Variants in SLC48A1 observed in about 807,000 individuals in gnomAD.
SLC48A1 encodes heme transporter HRG1.
SLC48A1 carries 6 observed loss-of-function variants against 14.8 expected under a neutral mutation model. That is an observed-to-expected ratio of 0.41 (90% CI 0.22 to 0.80). The LOEUF is 0.80. Among genes scored for constraint, SLC48A1 ranks in the 30% least tolerant of loss-of-function variants. The probability of loss-of-function intolerance (pLI) is 0.34; values close to 1 mark genes in which losing one functional copy is unlikely to be tolerated. For missense variants in SLC48A1, 165 were observed against 204.8 expected (o/e 0.81, Z 1.19); for synonymous variants, 89 against 90.0 (o/e 0.99, Z 0.06).
At chr12:47,763,277 G>A (rs752930432) in intron 2 of SLC48A1, among the ~76,000 whole-genome samples, 23 of 152,184 alleles carry the variant, frequency 1.5e-4, no homozygotes, top group Non-Finnish European at 2.1e-4. Context: ...AGGCTCAGCC[G>A]TGACATTTGA....
chr12:47,760,102 T>G, intron 1 of SLC48A1: 1 of 503,668 alleles, frequency 2.0e-6, no homozygotes, highest in Non-Finnish European at 2.6e-6. Flanking sequence ...AATGTATACA[T>G]GTATAAAAAA....
At chr12:47,780,040 C>T (rs911990992) in intron 2 of SLC48A1, 105 bp from the exon 3 acceptor site, 7 of 1,358,030 alleles carry the variant, frequency 5.2e-6, no homozygotes, top group South Asian at 1.5e-5. Context: ...GCTGCCAGGA[C>T]GTTGCAGGGA....
At chr12:47,763,454 C>A (rs1344793870) in intron 2 of SLC48A1, among the ~76,000 whole-genome samples, 4 of 152,144 alleles carry the variant, frequency 2.6e-5, no homozygotes, top group African/African-American at 9.7e-5. Flanking sequence ...TCCCACAATA[C>A]CCCTAGGAGT....
chr12:47,759,922 C>A (rs1592592165), intron 1 of SLC48A1, among the ~76,000 whole-genome samples: 2 of 152,262 alleles, frequency 1.3e-5, no homozygotes, highest in South Asian at 2.1e-4. Flanking sequence ...ATGCCAAGCC[C>A]GCATCCTCCA....
In SLC48A1 at chr12:47,773,459, C is replaced by A. The variant is rs1171562174; in HGVS notation, c.136+19C>A. The A allele has an allele frequency of 1.5e-6, 2 of 1,318,160 alleles. No individual in the cohort carries two copies. Among genetic ancestry groups the A allele is most frequent in the South Asian group, 2.0e-5 (1 of 49,422 alleles). 81.7% of individuals were successfully genotyped at this position (1,318,160 alleles called of 1,614,324 possible). A position where few individuals can be genotyped will look rare whatever the true frequency, so the allele number is the denominator to read the frequency against. ...CTCGCAGGTACCCCGGGACGCTGGG[C>A]GGCGCGGGGCGGGTGCGCGGCTGCG... On this transcript the variant is annotated intron_variant, in intron 1 of 2. Transcript: ENST00000442218.
chr12:47,761,748 G>C (rs1942385302), intron 2 of SLC48A1, among the ~76,000 whole-genome samples: 1 of 152,174 alleles, frequency 6.6e-6, no homozygotes, highest in South Asian at 2.1e-4. Flanking sequence ...GGTGTGTTAA[G>C]ACAGATAAAT....
upstream of SLC48A1, among the ~76,000 whole-genome samples, chr12:47,770,184 C>T (rs1178106859): frequency 1.3e-5 from 2 of 152,276 alleles, no homozygotes; most frequent in African/African-American, 2.4e-5. Context: ...TGGCCTTAGC[C>T]TTGTACAACC....
At chr12:47,775,509 G>A (rs1449802715) in intron 1 of SLC48A1, among the ~76,000 whole-genome samples, 2 of 152,210 alleles carry the variant, frequency 1.3e-5, no homozygotes, top group South Asian at 4.1e-4. Flanking sequence ...ATGGTGGCAG[G>A]GAGAGGGGTT....
chr12:47,778,046 G>C (rs1273772914), intron 1 of SLC48A1, among the ~76,000 whole-genome samples: 1 of 152,242 alleles, frequency 6.6e-6, no homozygotes, highest in East Asian at 1.9e-4. Context: ...CCTGCAGCTG[G>C]CTCTGCCTCC....
In SLC48A1 at chr12:47,779,029, G is replaced by C. The variant is rs907248092; in HGVS notation, c.138G>C (p.Gly46=). Residue 46 remains glycine (G), a splice_region_variant and synonymous_variant, in exon 2 of 3, where the codon GGG becomes GGC. Transcript: ENST00000442218. ...PGTAAMGGLA[G]VLALWVLVTH... ...GGCCCTGATGTGTCTCTCCTGCAGG[G>C]GTGCTGGCACTGTGGGTCCTGGTGA... 6 of 1,551,526 alleles carry C rather than the reference G, an allele frequency of 3.9e-6. No individual in the cohort carries two copies. Among genetic ancestry groups the C allele is most frequent in the Non-Finnish European group, 5.2e-6 (6 of 1,146,896 alleles).
chr12:47,758,066 C>T (rs1942198636), upstream of SLC48A1: 2 of 1,565,878 alleles, frequency 1.3e-6, no homozygotes, highest in Non-Finnish European at 1.7e-6. Context: ...CAGCTCTCAC[C>T]TGGCCAGCCC....
intron 1 of SLC48A1, among the ~76,000 whole-genome samples, chr12:47,778,101 C>T (rs1045664916): frequency 1.3e-5 from 2 of 152,372 alleles, no homozygotes; most frequent in East Asian, 3.9e-4. Flanking sequence ...TGCCCGGACC[C>T]TTGCCAATGG....
chr12:47,763,920 C>T (rs11830537), intron 2 of SLC48A1, among the ~76,000 whole-genome samples: 11,542 of 152,108 alleles, frequency 0.076, 510 homozygotes, highest in South Asian at 0.2. Flanking sequence ...CCATGCATGG[C>T]GGAGATGAGG....
intron 2 of SLC48A1, among the ~76,000 whole-genome samples, chr12:47,762,987 T>C (rs760712183): frequency 2.0e-5 from 3 of 152,246 alleles, no homozygotes; most frequent in Non-Finnish European, 4.4e-5. Context: ...AATTATCTTT[T>C]ATCTCCCTAA....
chr12:47,768,536 A>G (rs1464297851), upstream of SLC48A1: 1 of 152,224 alleles, frequency 6.6e-6, no homozygotes, highest in Non-Finnish European at 1.5e-5. Context: ...GCCACAGTAA[A>G]CAAAGACATG....
At position 47,780,526 on chromosome 12, in the gene SLC48A1, C is replaced by A; in HGVS notation, c.*245C>A. 2 of 760,772 alleles carry A rather than the reference C, an allele frequency of 2.6e-6. No homozygotes were observed. Among genetic ancestry groups the A allele is most frequent in the Non-Finnish European group, 4.9e-6 (2 of 407,124 alleles). 47.1% of individuals were successfully genotyped at this position (760,772 alleles called of 1,614,324 possible). ...AGCCTGGCCAGAGGGCAGCTTTAGA[C>A]CTTTTCAAATGAATCTGTTTTCTTT... On this transcript the variant is annotated 3_prime_UTR_variant, in exon 3 of 3. Coordinates refer to ENST00000442218, the MANE Select transcript of SLC48A1 (RefSeq NM_017842.3).
chr12:47,773,161 C>A (rs1215350583), upstream of SLC48A1: 4 of 980,330 alleles, frequency 4.1e-6, no homozygotes, highest in African/African-American at 7.1e-5. Context: ...GGGCGCTGTG[C>A]GGGCGGCGCT....
upstream of SLC48A1, chr12:47,755,565 C>T (rs895208463): frequency 1.3e-5 from 2 of 152,196 alleles, no homozygotes; most frequent in Non-Finnish European, 2.9e-5. Flanking sequence ...TCACCTCCCC[C>T]TCTTATTTTC....
intron 1 of SLC48A1, among the ~76,000 whole-genome samples, chr12:47,776,131 C>A (rs571615155): frequency 6.6e-6 from 1 of 152,320 alleles, no homozygotes; most frequent in African/African-American, 2.4e-5. Flanking sequence ...GGCCCAGTGT[C>A]CTTCTTGTCT....
Sources: allele counts gnomAD v4.1 joint callset (sites outside exome capture counted in the v4.1 genomes callset), GRCh38; gene constraint gnomAD v4.1.1; transcripts MANE v1.5; gene names NCBI Gene and HGNC (gene_info 2026-07-23, HGNC 2026-07-21).